Variants in GRB10 observed in about 807,000 individuals in gnomAD.
GRB10 encodes growth factor receptor-bound protein 10.
GRB10 carries 20 observed loss-of-function variants against 80.9 expected under a neutral mutation model. The ratio of observed to expected loss-of-function variants is 0.25; its 90% CI spans 0.17 to 0.36. The LOEUF is 0.36. GRB10 is among the 10% of genes least tolerant of loss of function. The pLI, the probability that GRB10 is intolerant of heterozygous loss-of-function variation, is 1.00. For missense variants in GRB10, 548 were observed against 747.7 expected (o/e 0.73, Z 3.12); for synonymous variants, 291 against 291.5 (o/e 1.00, Z 0.02).
At chr7:50,787,955 C>G (rs567536648) in intron 1 of GRB10, among the ~76,000 whole-genome samples, 1 of 152,146 alleles carries the variant, frequency 6.6e-6, no homozygotes, top group African/African-American at 2.4e-5. Flanking sequence ...TTAGAGGGCA[C>G]TGAACATGAC....
At chr7:50,699,469 T>C (rs1298387357) in intron 5 of GRB10, among the ~76,000 whole-genome samples, 1 of 152,256 alleles carries the variant, frequency 6.6e-6, no homozygotes, top group Admixed American at 6.5e-5. Context: ...TTATGTATTA[T>C]AATGAGTGAA....
At chr7:50,635,546 C>A (rs1244114123) in intron 7 of GRB10, among the ~76,000 whole-genome samples, 2 of 132,978 alleles carry the variant, frequency 1.5e-5, no homozygotes, top group African/African-American at 5.7e-5. Flanking sequence ...GTTATTGAGA[C>A]CCCAAAAAAC....
chr7:50,647,812 T>C (rs568643425), intron 7 of GRB10, among the ~76,000 whole-genome samples: 1 of 152,262 alleles, frequency 6.6e-6, no homozygotes, highest in Admixed American at 6.5e-5. Flanking sequence ...AGGCAGGCGC[T>C]GTCCAATTCT....
chr7:50,728,907 G>C (rs539747692), intron 4 of GRB10, among the ~76,000 whole-genome samples: 1 of 152,316 alleles, frequency 6.6e-6, no homozygotes, highest in East Asian at 1.9e-4. Flanking sequence ...CTGGCCTCAA[G>C]TGGTCCACCC....
intron 7 of GRB10, among the ~76,000 whole-genome samples, chr7:50,637,425 G>A (rs1249858481): frequency 1.3e-5 from 2 of 150,152 alleles, no homozygotes; most frequent in East Asian, 1.9e-4. Flanking sequence ...ACTCAATCAT[G>A]TTTAAAATGG....
At chr7:50,668,061 A>T (rs1383315946) in intron 7 of GRB10, among the ~76,000 whole-genome samples, 1 of 152,234 alleles carries the variant, frequency 6.6e-6, no homozygotes, top group East Asian at 1.9e-4. Flanking sequence ...TGCACTTTAG[A>T]CATGTGACAA....
intron 7 of GRB10, among the ~76,000 whole-genome samples, chr7:50,650,448 G>GATT (rs76445339): frequency 2.0e-5 from 3 of 152,004 alleles, no homozygotes; most frequent in African/African-American, 7.2e-5. Flanking sequence ...CCACAGAAGG[G>GATT]CTTCACTTAG....
chr7:50,768,031 T>C (rs962344712), intron 2 of GRB10, among the ~76,000 whole-genome samples: 3 of 152,074 alleles, frequency 2.0e-5, no homozygotes, highest in Non-Finnish European at 2.9e-5. Flanking sequence ...AGCTCAGCAT[T>C]CTGCTTCCCA....
intron 14 of GRB10, 113 bp downstream of exon 14, chr7:50,606,224 A>G (rs970614136): frequency 2.2e-6 from 2 of 889,028 alleles, no homozygotes; most frequent in African/African-American, 1.6e-5. Context: ...TGAAATGCAC[A>G]CACACTCTCC....
Position 50,711,058 on chromosome 7 carries a change from A to G in GRB10, c.52-7150T>C, listed in dbSNP as rs2065819734. On this transcript the variant is annotated intron_variant, in intron 4 of 18. Transcript: ENST00000401949. ...GTAAACAAAGACCAATGCCACAGAG[A>G]GCAGAATGACAGGGATTCGAAATGT... 17 of 709,862 alleles carry G rather than the reference A, an allele frequency of 2.4e-5. 1 individual carries two copies. In the South Asian group the frequency reaches 2.6e-4, roughly 11 times the overall value. 44.0% of individuals were successfully genotyped at this position (709,862 alleles called of 1,614,324 possible).
At chr7:50,676,346 G>C (rs1046325290) in intron 5 of GRB10, among the ~76,000 whole-genome samples, 13 of 150,844 alleles carry the variant, frequency 8.6e-5, no homozygotes, top group African/African-American at 2.7e-4. Flanking sequence ...GGGGGGGGGG[G>C]GGGGTTGTAA....
At chr7:50,780,091 G>A (rs1176046737) in intron 2 of GRB10, among the ~76,000 whole-genome samples, 3 of 152,316 alleles carry the variant, frequency 2.0e-5, no homozygotes, top group Non-Finnish European at 2.9e-5. Context: ...TCTGCCGGCC[G>A]TGAGAGGAAC....
At chr7:50,785,338 G>C (rs145003157), upstream of GRB10, among the ~76,000 whole-genome samples, 19 of 152,314 alleles carry the variant, frequency 1.2e-4, no homozygotes, top group Admixed American at 3.3e-4. Context: ...AATTGCATGG[G>C]ACAAACACTT....
rs2069880788 is a variant in GRB10 at position 50,732,149 on chromosome 7, T to C, written c.51+123A>G. 3 of 971,894 alleles carry C rather than the reference T, an allele frequency of 3.1e-6. No homozygotes were observed. The South Asian group carries it at 3.9e-5, about 13-fold the overall frequency. 60.2% of individuals were successfully genotyped at this position (971,894 alleles called of 1,614,324 possible). A position where few individuals can be genotyped will look rare whatever the true frequency, so the allele number is the denominator to read the frequency against. ...CACCATGGGACTTGTCACCAGCCCC[T>C]GCTCCAGCGTGTCCTAGTGACCTGA... On this transcript the variant is annotated intron_variant, in intron 4 of 18. Transcript: ENST00000401949.
chr7:50,654,410 C>T (rs531059596), intron 7 of GRB10, among the ~76,000 whole-genome samples: 1 of 152,274 alleles, frequency 6.6e-6, no homozygotes, highest in South Asian at 2.1e-4. Flanking sequence ...GGCAAGGGCA[C>T]CTCTGCAGAG....
intron 7 of GRB10, among the ~76,000 whole-genome samples, chr7:50,651,823 TAGCTTTA>T (rs1307459507): frequency 6.6e-6 from 1 of 152,258 alleles, no homozygotes; most frequent in African/African-American, 2.4e-5. Context: ...TTCATGACAG[TAGCTTTA>T]TAACATCAAA....
At chr7:50,772,272 C>T (rs892270455) in intron 2 of GRB10, among the ~76,000 whole-genome samples, 7 of 152,312 alleles carry the variant, frequency 4.6e-5, no homozygotes, top group Middle Eastern at 3.4e-3. Flanking sequence ...GGTGAACTGA[C>T]GCCACACTAT....
chr7:50,742,263 GCGCGCGCGCACACA>G (rs1369494449), intron 3 of GRB10, among the ~76,000 whole-genome samples: 3 of 26,354 alleles, frequency 1.1e-4, no homozygotes, highest in East Asian at 2.6e-3. Context: ...ACACGCGCAC[GCGCGCGCGCACACA>G]CACACACACA....
intron 10 of GRB10, among the ~76,000 whole-genome samples, chr7:50,616,835 G>A (rs1187773865): frequency 6.6e-6 from 1 of 152,222 alleles, no homozygotes; most frequent in Non-Finnish European, 1.5e-5. Flanking sequence ...CCCACAGGCA[G>A]CCTTAAGAAT....
Sources: allele counts gnomAD v4.1 joint callset (sites outside exome capture counted in the v4.1 genomes callset), GRCh38; gene constraint gnomAD v4.1.1; transcripts MANE v1.5; gene names NCBI Gene and HGNC (gene_info 2026-07-23, HGNC 2026-07-21).